Variants in GPHN observed in about 807,000 individuals in gnomAD.
GPHN encodes gephyrin.
GPHN carries 17 observed loss-of-function variants against 95.5 expected under a neutral mutation model. That is an observed-to-expected ratio of 0.18 (90% CI 0.12 to 0.27). The LOEUF is 0.27. GPHN is among the 10% of genes least tolerant of loss of function. The pLI is 1.00. For synonymous variants in GPHN, 320 were observed against 322.5 expected (o/e 0.99, Z 0.08); for missense variants, 660 against 978.1 (o/e 0.67, Z 4.34).
the GPHN span, among the ~76,000 whole-genome samples, chr14:67,695,152 T>C: frequency 1.3e-5 from 2 of 152,172 alleles, no homozygotes; most frequent in African/African-American, 2.4e-5. Flanking sequence ...GAACAAGCGA[T>C]TGTAACAGCA....
At chr14:66,702,983 A>G (rs1036751352) in intron 2 of GPHN, among the ~76,000 whole-genome samples, 1 of 152,194 alleles carries the variant, frequency 6.6e-6, no homozygotes, top group Non-Finnish European at 1.5e-5. Flanking sequence ...ACAGCATGAG[A>G]ACTTCATGAA....
chr14:66,640,817 G>T (rs80267275), intron 1 of GPHN, among the ~76,000 whole-genome samples: 3 of 152,146 alleles, frequency 2.0e-5, no homozygotes, highest in Admixed American at 6.5e-5. Context: ...TAACCATTCT[G>T]TATCAGAGTT....
chr14:66,550,433 A>T (rs1338745929), intron 1 of GPHN, among the ~76,000 whole-genome samples: 1 of 152,208 alleles, frequency 6.6e-6, no homozygotes, highest in Admixed American at 6.5e-5. Context: ...GTTGCTTCTT[A>T]TGGATAAGTA....
Position 66,977,168 on chromosome 14 carries a change from A to T in GPHN, c.963+11843A>T, listed in dbSNP as rs139230771. 5.5e-3 allele frequency among the ~76,000 whole-genome samples: 837 copies of T among 152,326 alleles called. 10 individuals are homozygous for T. Among genetic ancestry groups the T allele is most frequent in the African/African-American group, 0.019 (794 of 41,564 alleles). ...ATATACAGGCCGGGCGCGGTGGCTCATGCCTGTAATCCCAGTACTTTGGGA... is the reference window on the plus strand; with the variant it reads ...ATATACAGGCCGGGCGCGGTGGCTCTTGCCTGTAATCCCAGTACTTTGGGA... On this transcript the variant is annotated intron_variant, in intron 9 of 22. Coordinates refer to ENST00000478722, the MANE Select transcript of GPHN (RefSeq NM_020806.5).
the GPHN span, chr14:67,199,432 G>T: frequency 4.3e-6 from 7 of 1,612,966 alleles, no homozygotes; most frequent in South Asian, 1.1e-5. Context: ...GCGCCTTTGG[G>T]GTCATCTTAC....
the GPHN span, among the ~76,000 whole-genome samples, chr14:67,630,512 A>G: frequency 3.9e-5 from 6 of 152,152 alleles, no homozygotes; most frequent in South Asian, 2.1e-4. Context: ...TGCTTATCCT[A>G]TTGTCCAGAA....
intron 1 of GPHN, among the ~76,000 whole-genome samples, chr14:66,530,483 C>T (rs1054087447): frequency 6.6e-6 from 1 of 152,030 alleles, no homozygotes; most frequent in Non-Finnish European, 1.5e-5. Context: ...GTTCCAGGTA[C>T]CACTGGGGTA....
At chr14:66,747,584 T>C (rs962803450) in intron 2 of GPHN, among the ~76,000 whole-genome samples, 3 of 151,320 alleles carry the variant, frequency 2.0e-5, no homozygotes, top group Non-Finnish European at 4.4e-5. Flanking sequence ...GGTTAATAGA[T>C]TTGAGACAGT....
chr14:66,660,086 T>G (rs7140447), intron 1 of GPHN, among the ~76,000 whole-genome samples: 1 of 151,600 alleles, frequency 6.6e-6, no homozygotes, highest in African/African-American at 2.4e-5. Context: ...TGGTTGTTTA[T>G]TGGTTACTCT....
At chr14:66,857,027 T>C (rs1285980146) in intron 4 of GPHN, among the ~76,000 whole-genome samples, 1 of 152,116 alleles carries the variant, frequency 6.6e-6, no homozygotes, top group Non-Finnish European at 1.5e-5. Context: ...GATAAATTCT[T>C]ACTAAAGACA....
In GPHN at chr14:67,108,712, GGTGTGTGTGTGTGTGT is replaced by G. The variant is rs3063159; in HGVS notation, c.1294-1402_1294-1387del. Among the ~76,000 whole-genome samples the G allele has an allele frequency of 3.8e-5, 5 of 131,208 alleles. No individual in the cohort carries two copies. The East Asian group carries it at 1.1e-3, about 29-fold the overall frequency. The allele number at this position is 131,208 out of a possible 152,430, so 86.1% of individuals were successfully genotyped here. A position where few individuals can be genotyped will look rare whatever the true frequency, so the allele number is the denominator to read the frequency against. Reference sequence around the variant, plus strand: ...TTTTTTTCTTAACCATTCCCTAAGGGGTGTGTGTGTGTGTGTGTGTGTGTGTGTGTGTGTGTGTGTG... The same window carrying G: ...TTTTTTTCTTAACCATTCCCTAAGGGGTGTGTGTGTGTGTGTGTGTGTGTG... On this transcript the variant is annotated intron_variant, in intron 13 of 22. Transcript: ENST00000478722.
At chr14:66,684,848 T>C (rs1215915232) in intron 2 of GPHN, among the ~76,000 whole-genome samples, 2 of 152,252 alleles carry the variant, frequency 1.3e-5, no homozygotes, top group East Asian at 3.9e-4. Flanking sequence ...TGTGCTGCAC[T>C]CATTAACTCG....
chr14:66,593,432 C>T (rs1236131941), intron 1 of GPHN, among the ~76,000 whole-genome samples: 1 of 152,000 alleles, frequency 6.6e-6, no homozygotes, highest in African/African-American at 2.4e-5. Context: ...GGGAAGCAGG[C>T]ATGTCTTACA....
intron 3 of GPHN, among the ~76,000 whole-genome samples, chr14:66,783,146 C>T (rs2059664274): frequency 6.6e-6 from 1 of 152,154 alleles, no homozygotes; most frequent in East Asian, 1.9e-4. Context: ...TGCCCTACTA[C>T]AGCTAAGCAC....
Position 67,181,203 on chromosome 14 carries a change from GAT to G in GPHN, c.*268_*269del. On this transcript the variant is annotated 3_prime_UTR_variant, in exon 23 of 23. Transcript: ENST00000478722. ...GCTTTGTGTGTTCAATGCTAGGTCT[GAT>G]AGCGATAGCTTTTAGTAGACAGCGG... 2 of 513,186 alleles carry G rather than the reference GAT, an allele frequency of 3.9e-6. No individual in the cohort carries two copies. Among genetic ancestry groups the G allele is most frequent in the South Asian group, 4.2e-5 (2 of 47,610 alleles). 31.8% of individuals were successfully genotyped at this position (513,186 alleles called of 1,614,324 possible). A position where few individuals can be genotyped will look rare whatever the true frequency, so the allele number is the denominator to read the frequency against.
chr14:67,586,731 C>T, the GPHN span: 17 of 1,117,870 alleles, frequency 1.5e-5, no homozygotes, highest in Admixed American at 3.3e-5. Context: ...GCCAAACCTA[C>T]TCCTCCTTTA....
chr14:67,097,693 G>A (rs1310714361), intron 12 of GPHN, among the ~76,000 whole-genome samples: 2 of 152,024 alleles, frequency 1.3e-5, no homozygotes, highest in African/African-American at 4.8e-5. Flanking sequence ...ATAAAATCAT[G>A]TTTCTTTGCT....
At chr14:66,808,055 T>C (rs2153480591) in intron 3 of GPHN, among the ~76,000 whole-genome samples, 1 of 152,338 alleles carries the variant, frequency 6.6e-6, no homozygotes, top group Admixed American at 6.5e-5. Context: ...GTATTGTCAA[T>C]CTTTTTCCAT....
intron 4 of GPHN, among the ~76,000 whole-genome samples, chr14:66,878,860 T>C (rs1409355869): frequency 6.6e-6 from 1 of 152,212 alleles, no homozygotes; most frequent in Non-Finnish European, 1.5e-5. Context: ...TTACTGGGTA[T>C]ATACCCAAAA....
Sources: allele counts gnomAD v4.1 joint callset (sites outside exome capture counted in the v4.1 genomes callset), GRCh38; gene constraint gnomAD v4.1.1; transcripts MANE v1.5; gene names NCBI Gene and HGNC (gene_info 2026-07-23, HGNC 2026-07-21).